ZNF469: variants seen among roughly 807,000 people sequenced by gnomAD.
The protein encoded by ZNF469 is zinc finger protein 469.
In ZNF469, 1 loss-of-function variant was observed where a neutral mutation model predicts 1.0. The observed-to-expected ratio is 1.00, with a 90% CI of 0.35 to 4.73. The LOEUF (loss-of-function observed/expected upper bound fraction) is 4.73, where lower values mean the gene tolerates loss of function less well. ZNF469 is among the 30% of genes most tolerant of loss of function. The pLI is 0.16. For synonymous variants in ZNF469, 2,703 were observed against 2,363.4 expected (o/e 1.14, Z -4.17); for missense variants, 6,100 against 5,356.3 (o/e 1.14, Z -4.33).
At chr16:88,244,487 G>A in the ZNF469 span, among the ~76,000 whole-genome samples, 69 of 151,288 alleles carry the variant, frequency 4.6e-4, no homozygotes, top group African/African-American at 1.5e-3. Context: ...ATACATTGAT[G>A]AGTGGGTGGA....
Position 88,435,440 on chromosome 16 carries a change from C to G in ZNF469, c.7970C>G (p.Ser2657Ter). The G allele has an allele frequency of 1.3e-6, 2 of 1,550,118 alleles. No individual in the cohort carries two copies. Among genetic ancestry groups the G allele is most frequent in the Non-Finnish European group, 1.7e-6 (2 of 1,146,992 alleles). ...SILPVSADVI[S>*]DGRGSRPSPA... Reference sequence around the variant, plus strand: ...CTTCCAGTCTCTGCTGATGTGATTTCAGATGGGCGCGGCTCCAGACCATCC... The same window carrying G: ...CTTCCAGTCTCTGCTGATGTGATTTGAGATGGGCGCGGCTCCAGACCATCC... Residue 2657 changes from serine to a stop codon, truncating the protein, a stop_gained, in exon 3 of 3, where the codon TCA becomes TGA. Coordinates refer to ENST00000565624, the MANE Select transcript of ZNF469 (RefSeq NM_001367624.2). LOFTEE classifies it low-confidence loss of function (END_TRUNC).
chr16:88,250,458 C>T, the ZNF469 span, among the ~76,000 whole-genome samples: 6 of 152,116 alleles, frequency 3.9e-5, no homozygotes, highest in East Asian at 1.9e-4. Context: ...ATTCTGTTGT[C>T]GACGGATTTG....
the ZNF469 span, among the ~76,000 whole-genome samples, chr16:88,232,626 C>G: frequency 1.3e-5 from 2 of 152,336 alleles, no homozygotes; most frequent in African/African-American, 2.4e-5. Context: ...GCAGGCTGTC[C>G]GGGAGCTCTC....
At chr16:88,305,829 G>A in the ZNF469 span, among the ~76,000 whole-genome samples, 1 of 152,134 alleles carries the variant, frequency 6.6e-6, no homozygotes, top group African/African-American at 2.4e-5. Flanking sequence ...CACCACTCAT[G>A]CACATGCCCA....
chr16:88,223,619 C>T, the ZNF469 span, among the ~76,000 whole-genome samples: 2 of 152,154 alleles, frequency 1.3e-5, no homozygotes, highest in Non-Finnish European at 2.9e-5. Flanking sequence ...GGGAATGATG[C>T]CTCGACCCTG....
the ZNF469 span, among the ~76,000 whole-genome samples, chr16:88,203,041 G>A: frequency 1.6e-4 from 25 of 152,304 alleles, no homozygotes; most frequent in Admixed American, 9.1e-4. Context: ...TGGTCAAATC[G>A]GAGCGGGGGC....
At chr16:88,366,542 C>G in the ZNF469 span, among the ~76,000 whole-genome samples, 1 of 45,330 alleles carries the variant, frequency 2.2e-5, no homozygotes, top group African/African-American at 4.1e-5. Flanking sequence ...ATCATCACCA[C>G]CACCATCATC....
At chr16:88,144,466 C>A in the ZNF469 span, among the ~76,000 whole-genome samples, 20 of 152,188 alleles carry the variant, frequency 1.3e-4, no homozygotes, top group Non-Finnish European at 2.6e-4. Flanking sequence ...CGGAGGACAT[C>A]ACGTCCCTCC....
chr16:88,123,804 A>C, the ZNF469 span, among the ~76,000 whole-genome samples: 1 of 151,858 alleles, frequency 6.6e-6, no homozygotes, highest in African/African-American at 2.4e-5. Context: ...CAGATATTTG[A>C]CTCTTTTTTA....
chr16:88,198,633 G>A, the ZNF469 span, among the ~76,000 whole-genome samples: 1 of 152,204 alleles, frequency 6.6e-6, no homozygotes, highest in South Asian at 2.1e-4. Context: ...GCAGGTGAGT[G>A]CTGGAGTGTG....
At chr16:88,145,544 G>A in the ZNF469 span, among the ~76,000 whole-genome samples, 5 of 152,332 alleles carry the variant, frequency 3.3e-5, no homozygotes, top group Admixed American at 6.5e-5. Flanking sequence ...AGGTGCCTGC[G>A]ATGGGCCCAG....
chr16:88,438,345 G>A lies in ZNF469; in HGVS notation c.10875G>A (p.Arg3625=). ...RAPLVFSGKR[R]APGARGRCAP... ...CTCTCGTGTTCTCAGGGAAACGCAG[G>A]GCCCCGGGTGCCCGTGGCAGGTGTG... The change falls in exon 3 of 3, where the codon AGG becomes AGA. Residue 3625 remains arginine, a synonymous_variant. Transcript: ENST00000565624. 1 of 1,550,186 alleles carries A rather than the reference G, an allele frequency of 6.5e-7. No individual in the cohort carries two copies. The highest frequency in any genetic ancestry group is 8.7e-7 in the Non-Finnish European group (1 of 1,146,946).
the ZNF469 span, among the ~76,000 whole-genome samples, chr16:88,156,981 G>T: frequency 1.3e-5 from 2 of 152,214 alleles, no homozygotes; most frequent in Non-Finnish European, 2.9e-5. Flanking sequence ...TGGTAACAAA[G>T]CCTCGAAGAA....
At chr16:88,338,196 C>T in the ZNF469 span, among the ~76,000 whole-genome samples, 1 of 152,098 alleles carries the variant, frequency 6.6e-6, no homozygotes, top group Non-Finnish European at 1.5e-5. Context: ...CCGGCGCCTC[C>T]AATCGCCTGG....
chr16:88,184,679 C>T, the ZNF469 span, among the ~76,000 whole-genome samples: 3 of 151,946 alleles, frequency 2.0e-5, no homozygotes, highest in Middle Eastern at 3.2e-3. Context: ...TGATTAGGGA[C>T]GCTCCACGGA....
the ZNF469 span, among the ~76,000 whole-genome samples, chr16:88,129,225 C>T: frequency 7.2e-5 from 11 of 152,248 alleles, no homozygotes; most frequent in Non-Finnish European, 1.5e-4. Flanking sequence ...AGGAACCAAA[C>T]TAACACGAGC....
the ZNF469 span, among the ~76,000 whole-genome samples, chr16:88,208,803 A>ACACACACACACACACACACT: frequency 1.6e-5 from 2 of 123,564 alleles, no homozygotes; most frequent in African/African-American, 6.3e-5. Context: ...ACACACACAC[A>ACACACACACACACACACACT]CTCTCTCTCT....
chr16:88,203,909 C>T, the ZNF469 span, among the ~76,000 whole-genome samples: 2 of 152,200 alleles, frequency 1.3e-5, no homozygotes, highest in Non-Finnish European at 2.9e-5. Context: ...ACAACTCAAC[C>T]CATAGCAAGT....
chr16:88,352,497 T>C, the ZNF469 span, among the ~76,000 whole-genome samples: 32,490 of 152,234 alleles, frequency 0.21, 4,158 homozygotes, highest in African/African-American at 0.36. Flanking sequence ...AAGGGCACAC[T>C]GGGCACCATG....
Sources: allele counts gnomAD v4.1 joint callset (sites outside exome capture counted in the v4.1 genomes callset), GRCh38; gene constraint gnomAD v4.1.1; transcripts MANE v1.5; gene names NCBI Gene and HGNC (gene_info 2026-07-23, HGNC 2026-07-21).